Variants in TEX9 observed in about 807,000 individuals in gnomAD.
The protein encoded by TEX9 is testis expressed 9.
Under a neutral mutation model 59.6 loss-of-function variants are expected in TEX9, and 74 were observed. The observed-to-expected ratio is 1.24, with a 90% CI of 1.03 to 1.51. The LOEUF is 1.51. TEX9 is among the 40% of genes most tolerant of loss of function. TEX9 has a pLI of 0.00. For missense variants in TEX9, 522 were observed against 447.8 expected (o/e 1.17, Z -1.49); for synonymous variants, 186 against 152.2 (o/e 1.22, Z -1.64).
At chr15:56,363,809 C>T (rs907481051), upstream of TEX9, among the ~76,000 whole-genome samples, 1 of 151,486 alleles carries the variant, frequency 6.6e-6, no homozygotes, top group African/African-American at 2.4e-5. Flanking sequence ...GGACTACAGG[C>T]ATGTACCACT....
intron 1 of TEX9, among the ~76,000 whole-genome samples, chr15:56,346,567 T>C (rs545165865): frequency 6.6e-6 from 1 of 152,300 alleles, no homozygotes; most frequent in Non-Finnish European, 1.5e-5. Context: ...CTAACCCATT[T>C]CTCTAACATC....
At chr15:56,283,070 G>A (rs1005499224) in intron 1 of TEX9, among the ~76,000 whole-genome samples, 3 of 151,720 alleles carry the variant, frequency 2.0e-5, no homozygotes, top group African/African-American at 7.3e-5. Flanking sequence ...GTGTGTGTGT[G>A]TGTGTGTGTG....
chr15:56,407,318 G>T lies in TEX9; in HGVS notation c.829-4984G>T, dbSNP rs1428333217. Among the ~76,000 whole-genome samples, 3 of 152,192 alleles carry T rather than the reference G, an allele frequency of 2.0e-5. No homozygotes were observed. The East Asian group carries it at 5.8e-4, about 29-fold the overall frequency. On this transcript the variant is annotated intron_variant, in intron 9 of 12. Coordinates refer to ENST00000352903, the Ensembl canonical transcript of TEX9. The stretch of plus-strand genomic sequence containing the variant: ...ATATGCATTTGATATAATTCATTAG[G>T]AAAGTCATGTGCACTGGAGTTTTCT...
intron 1 of TEX9, among the ~76,000 whole-genome samples, chr15:56,271,907 G>A (rs1335293834): frequency 1.3e-5 from 2 of 152,186 alleles, no homozygotes; most frequent in Non-Finnish European, 2.9e-5. Flanking sequence ...TTGGGAGGCT[G>A]AGGCGGGCAG....
At chr15:56,245,038 T>G (rs2043814859) in intron 1 of TEX9, among the ~76,000 whole-genome samples, 1 of 152,158 alleles carries the variant, frequency 6.6e-6, no homozygotes, top group Non-Finnish European at 1.5e-5. Flanking sequence ...CAGCTTTAAC[T>G]TTTCTGATAG....
At chr15:56,275,978 C>A (rs1277443256) in intron 1 of TEX9, among the ~76,000 whole-genome samples, 1 of 152,066 alleles carries the variant, frequency 6.6e-6, no homozygotes, top group Non-Finnish European at 1.5e-5. Flanking sequence ...TTGCCTTTGG[C>A]TTCCAAAAAT....
intron 1 of TEX9, among the ~76,000 whole-genome samples, chr15:56,278,120 A>G (rs745937736): frequency 6.6e-6 from 1 of 152,006 alleles, no homozygotes; most frequent in Admixed American, 6.6e-5. Context: ...ATTCTTTCCT[A>G]TATGTTCTTT....
chr15:56,266,811 G>C (rs1472943117), intron 1 of TEX9, among the ~76,000 whole-genome samples: 7 of 152,170 alleles, frequency 4.6e-5, no homozygotes, highest in African/African-American at 1.7e-4. Flanking sequence ...CTTTATAGCA[G>C]CATGATTTAT....
intron 5 of TEX9, 75 bp downstream of exon 5, chr15:56,388,595 A>C (rs2048066780): frequency 7.7e-7 from 1 of 1,292,448 alleles, no homozygotes; most frequent in African/African-American, 1.5e-5. Context: ...TTTCTTAGAC[A>C]AAGCAGAGAA....
At chr15:56,277,184 C>T (rs1251973291) in intron 1 of TEX9, among the ~76,000 whole-genome samples, 1 of 152,086 alleles carries the variant, frequency 6.6e-6, no homozygotes, top group Non-Finnish European at 1.5e-5. Flanking sequence ...TTAATTAGAT[C>T]CCATTTGTCA....
At chr15:56,285,848 G>A (rs1199205755) in intron 1 of TEX9, among the ~76,000 whole-genome samples, 1 of 152,054 alleles carries the variant, frequency 6.6e-6, no homozygotes, top group African/African-American at 2.4e-5. Flanking sequence ...CAAACTAAAT[G>A]ACAAGGTAGT....
At chr15:56,274,255 T>C (rs1596058790) in intron 1 of TEX9, among the ~76,000 whole-genome samples, 1 of 152,224 alleles carries the variant, frequency 6.6e-6, no homozygotes, top group East Asian at 1.9e-4. Flanking sequence ...CCTTGATGTT[T>C]TGAGTGCATT....
At chr15:56,432,689 T>A (rs987484015) in intron 12 of TEX9, among the ~76,000 whole-genome samples, 1 of 152,318 alleles carries the variant, frequency 6.6e-6, no homozygotes, top group Admixed American at 6.5e-5. Context: ...GTTAGTTGTC[T>A]TGCTAACTTT....
chr15:56,417,882 T>C (rs1177917137), intron 10 of TEX9, among the ~76,000 whole-genome samples: 1 of 151,968 alleles, frequency 6.6e-6, no homozygotes, highest in Non-Finnish European at 1.5e-5. Flanking sequence ...TGTGTGCATG[T>C]ATATTTAGGC....
At chr15:56,443,313 T>A (rs2050850590) in intron 12 of TEX9, 3 of 715,926 alleles carry the variant, frequency 4.2e-6, no homozygotes, top group Non-Finnish European at 6.3e-6. Flanking sequence ...TAGTATACCA[T>A]TTACATATAA....
intron 1 of TEX9, among the ~76,000 whole-genome samples, chr15:56,252,861 G>T (rs1172511563): frequency 6.6e-6 from 1 of 151,742 alleles, no homozygotes; most frequent in Non-Finnish European, 1.5e-5. Context: ...GTAAAAGTGG[G>T]GATAATAACT....
the TEX9 span, among the ~76,000 whole-genome samples, chr15:56,460,009 A>AAAAAAAAATATATATATATATATAT: frequency 6.4e-4 from 17 of 26,368 alleles, 4 homozygotes; most frequent in Non-Finnish European, 1.2e-3. Context: ...AAAAAAAAAA[A>AAAAAAAAATATATATATATATATAT]ATACATATAT....
intron 1 of TEX9, among the ~76,000 whole-genome samples, chr15:56,286,346 T>G (rs1305355016): frequency 6.6e-6 from 1 of 152,078 alleles, no homozygotes; most frequent in Non-Finnish European, 1.5e-5. Flanking sequence ...AACAGCTTCT[T>G]AGACTGAGGA....
chr15:56,290,761 A>G (rs2045070596), intron 1 of TEX9, among the ~76,000 whole-genome samples: 1 of 151,210 alleles, frequency 6.6e-6, no homozygotes, highest in South Asian at 2.1e-4. Context: ...GGCGACCAGC[A>G]ATCCTTTCTA....
Sources: gnomAD v4.1 joint callset for allele counts (sites outside exome capture counted in the v4.1 genomes callset) on GRCh38, gnomAD v4.1.1 for gene constraint, MANE v1.5 for transcripts, NCBI Gene and HGNC (gene_info 2026-07-23, HGNC 2026-07-21) for gene names.